FHIT: variants seen among roughly 807,000 people sequenced by gnomAD.
FHIT encodes the protein fragile histidine triad diadenosine triphosphatase, also known as bis(5'-adenosyl)-triphosphatase.
FHIT carries 19 observed loss-of-function variants against 17.9 expected under a neutral mutation model. That is an observed-to-expected ratio of 1.06 (90% CI 0.74 to 1.56). FHIT has a LOEUF of 1.56. FHIT is among the 40% of genes most tolerant of loss of function. FHIT has a pLI of 0.00. For synonymous variants in FHIT, 81 were observed against 69.7 expected (o/e 1.16, Z -0.81); for missense variants, 248 against 189.2 (o/e 1.31, Z -1.82).
intron 1 of FHIT, among the ~76,000 whole-genome samples, chr3:61,204,230 T>A (rs1485768661): frequency 6.6e-6 from 1 of 152,172 alleles, no homozygotes; most frequent in Non-Finnish European, 1.5e-5. Context: ...ATTCAGGCTA[T>A]CTTTATCTTG....
chr3:60,339,564 G>C (rs1710413136), intron 5 of FHIT, among the ~76,000 whole-genome samples: 1 of 152,112 alleles, frequency 6.6e-6, no homozygotes, highest in Non-Finnish European at 1.5e-5. Flanking sequence ...GTTTACCCAA[G>C]CTCCTTACTT....
chr3:60,072,816 T>C (rs1338132467), intron 5 of FHIT, among the ~76,000 whole-genome samples: 3 of 152,360 alleles, frequency 2.0e-5, no homozygotes, highest in South Asian at 4.1e-4. Context: ...TATGATACTT[T>C]CTTAATTATT....
chr3:59,880,826 G>C (rs1197073473), intron 8 of FHIT, among the ~76,000 whole-genome samples: 2 of 152,076 alleles, frequency 1.3e-5, no homozygotes, highest in Admixed American at 1.3e-4. Flanking sequence ...CATCATTCCA[G>C]GTTTTTATTT....
intron 5 of FHIT, among the ~76,000 whole-genome samples, chr3:60,392,094 C>A (rs1701255376): frequency 6.6e-6 from 1 of 152,128 alleles, no homozygotes; most frequent in African/African-American, 2.4e-5. Flanking sequence ...AAATCCTATG[C>A]ATAGATTTCA....
intron 2 of FHIT, among the ~76,000 whole-genome samples, chr3:61,153,230 C>T (rs1223339906): frequency 6.6e-6 from 1 of 150,678 alleles, no homozygotes. Context: ...TGAGAGATAA[C>T]ATCTCCTGAA....
At chr3:59,963,645 T>C (rs1478644546) in intron 7 of FHIT, among the ~76,000 whole-genome samples, 1 of 152,158 alleles carries the variant, frequency 6.6e-6, no homozygotes, top group Non-Finnish European at 1.5e-5. Flanking sequence ...TTCCTAAAAA[T>C]TAAGTAACTA....
chr3:60,255,380 G>A (rs1705934859), intron 5 of FHIT, among the ~76,000 whole-genome samples: 1 of 152,110 alleles, frequency 6.6e-6, no homozygotes, highest in Non-Finnish European at 1.5e-5. Context: ...GATGGCACAG[G>A]GGTTGCAAAG....
chr3:60,714,243 C>A (rs1359069055), intron 4 of FHIT, among the ~76,000 whole-genome samples: 1 of 152,114 alleles, frequency 6.6e-6, no homozygotes, highest in African/African-American at 2.4e-5. Context: ...ACCCTTCATG[C>A]TAAAAACTCT....
intron 2 of FHIT, among the ~76,000 whole-genome samples, chr3:61,197,320 T>C (rs865944759): frequency 1.3e-5 from 2 of 152,292 alleles, no homozygotes; most frequent in South Asian, 2.1e-4. Context: ...TAAAGAAAGT[T>C]AGGAATCTTG....
At chr3:61,058,701 A>T (rs2034316076) in intron 2 of FHIT, among the ~76,000 whole-genome samples, 1 of 152,180 alleles carries the variant, frequency 6.6e-6, no homozygotes. Flanking sequence ...TGAGTCAATT[A>T]AACCTCTTTT....
intron 3 of FHIT, among the ~76,000 whole-genome samples, chr3:60,955,605 T>TATATATATATATACATATATATATATAC (rs1553778476): frequency 1.5e-4 from 13 of 85,610 alleles, no homozygotes; most frequent in Non-Finnish European, 2.4e-4. Flanking sequence ...TACATATATA[T>TATATATATATATACATATATATATATAC]ATATATATAT....
In FHIT at chr3:60,738,536, G is replaced by A. The variant is rs530485588; in HGVS notation, c.-18+83383C>T. Among the ~76,000 whole-genome samples, 76 of 152,296 alleles carry A rather than the reference G, an allele frequency of 5.0e-4. 1 individual carries two copies. In the South Asian group the frequency reaches 0.015, roughly 30 times the overall value. ...CAGAAGGACCTGCTTTACCGTGACC[G>A]CAAGGATGGCATTTGAATCAGTAAT... is the stretch of plus-strand genomic sequence containing the variant. On this transcript the variant is annotated intron_variant, in intron 4 of 9. Coordinates refer to ENST00000492590, the MANE Select transcript of FHIT (RefSeq NM_002012.4).
chr3:60,616,024 ATCTG>A (rs1322634138), intron 4 of FHIT, among the ~76,000 whole-genome samples: 1 of 152,178 alleles, frequency 6.6e-6, no homozygotes, highest in Non-Finnish European at 1.5e-5. Flanking sequence ...CGAAACTCTG[ATCTG>A]TCTATGAGTT....
intron 3 of FHIT, among the ~76,000 whole-genome samples, chr3:60,844,587 T>A (rs181698823): frequency 6.6e-6 from 1 of 152,288 alleles, no homozygotes; most frequent in Admixed American, 6.5e-5. Context: ...CACTATTATA[T>A]AAATCAATTC....
At position 60,014,075 on chromosome 3, in the gene FHIT, T is replaced by A; in HGVS notation, c.181A>T (p.Thr61Ser). 1 of 1,614,064 alleles carries A rather than the reference T, an allele frequency of 6.2e-7. No homozygotes were observed. Among genetic ancestry groups the A allele is most frequent in the South Asian group, 1.1e-5 (1 of 91,080 alleles). Residue 61 changes from threonine to serine, a missense_variant, in exon 6 of 10, where the codon ACG becomes TCG. By Grantham distance (58) the Thr-to-Ser change is moderately conservative. Transcript: ENST00000492590. ...ACCACTGTCCCGACTCTCTGGGTCG[T>A]CTGAAACAAATCGGCCACTTCATCA... The part of the protein sequence containing the change: ...RPDEVADLFQ[T>S]TQRVGTVVEK...
intron 5 of FHIT, among the ~76,000 whole-genome samples, chr3:60,188,473 A>G (rs1041820155): frequency 2.0e-5 from 3 of 152,166 alleles, no homozygotes; most frequent in African/African-American, 7.2e-5. Context: ...CAATGTGTGT[A>G]TGCTTTCCGC....
At chr3:60,593,852 A>G (rs2038173095) in intron 4 of FHIT, among the ~76,000 whole-genome samples, 1 of 152,142 alleles carries the variant, frequency 6.6e-6, no homozygotes, top group African/African-American at 2.4e-5. Context: ...CAGAAAGTCA[A>G]TCAAATTCTA....
chr3:59,853,202 G>T (rs1702012427), intron 8 of FHIT, among the ~76,000 whole-genome samples: 2 of 152,170 alleles, frequency 1.3e-5, no homozygotes, highest in African/African-American at 4.8e-5. Flanking sequence ...TCAGTGTTCT[G>T]ATTTGGGCTC....
At chr3:60,570,469 A>C (rs943795152) in intron 4 of FHIT, among the ~76,000 whole-genome samples, 1 of 152,078 alleles carries the variant, frequency 6.6e-6, no homozygotes, top group African/African-American at 2.4e-5. Context: ...AGGAGATAAG[A>C]ACCTGTAACT....
Sources: gnomAD v4.1 joint callset for allele counts (sites outside exome capture counted in the v4.1 genomes callset) on GRCh38, gnomAD v4.1.1 for gene constraint, MANE v1.5 for transcripts, NCBI Gene and HGNC (gene_info 2026-07-23, HGNC 2026-07-21) for gene names.